The following RICTOR variants were observed in gnomAD, a reference collection of about 807,000 sequenced individuals.
The protein encoded by RICTOR is rapamycin-insensitive companion of mTOR.
RICTOR carries 49 observed loss-of-function variants against 214.9 expected under a neutral mutation model. The ratio of observed to expected loss-of-function variants is 0.23; its 90% confidence interval spans 0.18 to 0.29. RICTOR has a LOEUF of 0.29. RICTOR is among the 10% of genes least tolerant of loss of function. The probability of loss-of-function intolerance (pLI) is 1.00; values close to 1 mark genes in which losing one functional copy is unlikely to be tolerated. For synonymous variants in RICTOR, 717 were observed against 711.3 expected (o/e 1.01, Z -0.13); for missense variants, 1,625 against 2,047.0 (o/e 0.79, Z 3.98).
Position 38,962,338 on chromosome 5 carries a change from G to A in RICTOR, c.1692C>T (p.Asn564=). The change falls in exon 19 of 38, where the codon AAC becomes AAT. Residue 564 remains asparagine (N), a synonymous_variant. Transcript: ENST00000357387. ...ILKWPNVNLR[N]YKDEQLHRFV... Reference sequence around the variant, plus strand: ...ACCTGTGTAACTGTTCATCTTTATAGTTTCTTAGATTTACATTTGGCCACT... The same window carrying A: ...ACCTGTGTAACTGTTCATCTTTATAATTTCTTAGATTTACATTTGGCCACT... 2 of 1,429,728 alleles carry A rather than the reference G, an allele frequency of 1.4e-6. No homozygotes were observed. Among genetic ancestry groups the A allele is most frequent in the Non-Finnish European group, 1.9e-6 (2 of 1,029,674 alleles). The allele number at this position is 1,429,728 out of a possible 1,614,324, so 88.6% of individuals were successfully genotyped here.
chr5:38,947,138 C>A, intron 32 of RICTOR, 126 bp downstream of exon 32: 1 of 646,336 alleles, frequency 1.5e-6, no homozygotes, highest in Non-Finnish European at 2.7e-6. Context: ...TTAAACAAAA[C>A]GGTCTTAAAA....
chr5:38,987,247 T>C (rs1390920237), intron 7 of RICTOR, among the ~76,000 whole-genome samples: 1 of 152,198 alleles, frequency 6.6e-6, no homozygotes, highest in Non-Finnish European at 1.5e-5. Context: ...AAAAAATGAT[T>C]AGGAAGGAGT....
At chr5:39,004,624 T>A (rs1332225654) in intron 3 of RICTOR, among the ~76,000 whole-genome samples, 9 of 151,820 alleles carry the variant, frequency 5.9e-5, no homozygotes, top group Non-Finnish European at 1.3e-4. Context: ...CACGCCCAGC[T>A]AATTTTTGTA....
At chr5:38,963,230 ATTAT>A (rs1293929306) in intron 16 of RICTOR, among the ~76,000 whole-genome samples, 189 bp from the exon 17 acceptor site, 1 of 152,024 alleles carries the variant, frequency 6.6e-6, no homozygotes, top group African/African-American at 2.4e-5. Flanking sequence ...AGACACACTG[ATTAT>A]TTAGATGCAA....
At chr5:38,964,959 T>C in intron 15 of RICTOR, 67 bp from the exon 16 acceptor site, 2 of 911,770 alleles carry the variant, frequency 2.2e-6, no homozygotes, top group East Asian at 5.1e-5. Context: ...ACAGATTACC[T>C]GCACATATAA....
rs74404833 is a variant in RICTOR at position 38,965,811 on chromosome 5, G to A, written c.1299+830C>T. On this transcript the variant is annotated intron_variant, in intron 15 of 37. Transcript: ENST00000357387. ...GAAGGGAAAACAAGGGTGGGGAGGAGGGGAAGAGATCAAGAAAGAAAAACC... is the reference window on the plus strand; with the variant it reads ...GAAGGGAAAACAAGGGTGGGGAGGAAGGGAAGAGATCAAGAAAGAAAAACC... Among the ~76,000 whole-genome samples, 487 of 152,134 alleles carry A rather than the reference G, an allele frequency of 3.2e-3. 6 individuals carry two copies. Among genetic ancestry groups the A allele is most frequent in the African/African-American group, 0.011 (470 of 41,526 alleles).
chr5:38,968,125 G>T, intron 11 of RICTOR, 95 bp from the exon 12 acceptor site: 1 of 719,114 alleles, frequency 1.4e-6, no homozygotes, highest in East Asian at 2.6e-5. Context: ...GATAAAAACA[G>T]AACTATTAAT....
intron 33 of RICTOR, 93 bp downstream of exon 33, chr5:38,946,374 TC>T: frequency 1.3e-6 from 1 of 758,166 alleles, no homozygotes; most frequent in South Asian, 1.8e-5. Context: ...AAGTGAGTCT[TC>T]CTAAATTTTT....
At chr5:38,966,614 CAT>C (rs749245341) in intron 15 of RICTOR, 25 bp downstream of exon 15, 2 of 1,068,282 alleles carry the variant, frequency 1.9e-6, no homozygotes, top group South Asian at 1.3e-5. Context: ...AGGTATGAAA[CAT>C]ATAATCAGAA....
At chr5:38,983,863 G>T (rs564672941) in intron 7 of RICTOR, among the ~76,000 whole-genome samples, 7 of 152,302 alleles carry the variant, frequency 4.6e-5, no homozygotes, top group African/African-American at 1.7e-4. Flanking sequence ...TACTTGGGAG[G>T]CTGAGGCAGG....
At position 38,959,291 on chromosome 5, in the gene RICTOR, T is replaced by C; in HGVS notation, c.2082A>G (p.Gln694=). ...CLLNLCSLKN[Q]DHLLKLTVSS... ...AAACAGTAAGTTTTAGCAAGTGATC[T>C]TGGTTTTTCAAGGAGCAAAGATTAA... Residue 694 remains glutamine (Q), a synonymous_variant, in exon 22 of 38, where the codon CAA becomes CAG. Coordinates refer to ENST00000357387, the MANE Select transcript of RICTOR (RefSeq NM_152756.5). 6.3e-7 allele frequency: 1 copy of C among 1,585,742 alleles called. No homozygotes were observed. Among genetic ancestry groups the C allele is most frequent in the Middle Eastern group, 1.7e-4 (1 of 5,788 alleles).
At chr5:38,951,698 G>C (rs1748799650) in intron 30 of RICTOR, among the ~76,000 whole-genome samples, 1 of 151,832 alleles carries the variant, frequency 6.6e-6, no homozygotes, top group Non-Finnish European at 1.5e-5. Context: ...ACTTAGCACA[G>C]GACTTAAAAC....
intron 2 of RICTOR, among the ~76,000 whole-genome samples, chr5:39,062,426 T>C (rs897782174): frequency 6.6e-6 from 1 of 152,014 alleles, no homozygotes; most frequent in East Asian, 1.9e-4. Context: ...CCTTTTTTTT[T>C]CTTCTTGAGG....
intron 2 of RICTOR, among the ~76,000 whole-genome samples, chr5:39,028,433 C>T (rs889462830): frequency 5.9e-5 from 9 of 152,066 alleles, no homozygotes; most frequent in Non-Finnish European, 7.4e-5. Context: ...CCGCCCGCCT[C>T]GGCCTCCCAA....
intron 2 of RICTOR, 31 bp downstream of exon 2, chr5:39,074,080 C>T (rs1462059059): frequency 2.6e-6 from 4 of 1,549,888 alleles, no homozygotes; most frequent in East Asian, 5.3e-5. Context: ...CAGCAGCGCG[C>T]CCTCGCGGCG....
At chr5:39,033,398 G>A (rs531754700) in intron 2 of RICTOR, among the ~76,000 whole-genome samples, 9 of 152,102 alleles carry the variant, frequency 5.9e-5, no homozygotes, top group South Asian at 2.1e-4. Flanking sequence ...TGAGTAGCTG[G>A]GATTACAGGT....
At chr5:38,945,308 C>T in intron 34 of RICTOR, 183 bp downstream of exon 34, 2 of 613,530 alleles carry the variant, frequency 3.3e-6, no homozygotes, top group Non-Finnish European at 5.7e-6. Flanking sequence ...GACTCAGGCC[C>T]CACTGTGACC....
intron 5 of RICTOR, among the ~76,000 whole-genome samples, chr5:38,998,825 G>C (rs1753371970): frequency 6.6e-6 from 1 of 151,680 alleles, no homozygotes; most frequent in African/African-American, 2.4e-5. Context: ...GACCAGCCTG[G>C]GCAACATGGT....
At chr5:39,027,766 C>G (rs946743860) in intron 2 of RICTOR, among the ~76,000 whole-genome samples, 1 of 151,926 alleles carries the variant, frequency 6.6e-6, no homozygotes, top group African/African-American at 2.4e-5. Flanking sequence ...TCTAAGTATA[C>G]AGAACAATAG....
Sources: allele counts gnomAD v4.1 joint callset (sites outside exome capture counted in the v4.1 genomes callset), GRCh38; gene constraint gnomAD v4.1.1; transcripts MANE v1.5; gene names NCBI Gene and HGNC (gene_info 2026-07-23, HGNC 2026-07-21).